Variants in SDHAF3 observed in about 807,000 individuals in gnomAD.
SDHAF3 encodes succinate dehydrogenase complex assembly factor 3.
A neutral mutation model predicts 11.5 loss-of-function variants in SDHAF3; 18 were observed. The observed-to-expected ratio is 1.56, with a 90% CI of 1.08 to 2.32. The LOEUF (loss-of-function observed/expected upper bound fraction) is 2.32. SDHAF3 is among the 30% of genes most tolerant of loss of function. The probability of loss-of-function intolerance (pLI) is 0.00; values close to 1 mark genes in which losing one functional copy is unlikely to be tolerated. For missense variants in SDHAF3, 200 were observed against 154.4 expected, an observed-to-expected ratio of 1.30 and a Z score of -1.57; for synonymous variants, 72 against 59.3, an observed-to-expected ratio of 1.21 and a Z score of -0.99.
chr7:97,180,290 A>G (rs1357952078), intron 1 of SDHAF3, among the ~76,000 whole-genome samples: 1 of 152,212 alleles, frequency 6.6e-6, no homozygotes, highest in Admixed American at 6.5e-5. Context: ...ACCGTGGAAT[A>G]CTGTGCTGCC....
At chr7:97,148,484 C>T (rs950666631) in intron 1 of SDHAF3, among the ~76,000 whole-genome samples, 1 of 152,146 alleles carries the variant, frequency 6.6e-6, no homozygotes. Context: ...CTGAAGCCAG[C>T]TATGATTGCC....
intron 1 of SDHAF3, among the ~76,000 whole-genome samples, chr7:97,151,338 T>A (rs1789216510): frequency 6.6e-6 from 1 of 151,962 alleles, no homozygotes; most frequent in Admixed American, 6.6e-5. Context: ...AATAGGGGCT[T>A]GGGGCTTCTA....
At chr7:97,142,147 G>T (rs370502963) in intron 1 of SDHAF3, among the ~76,000 whole-genome samples, 1 of 135,452 alleles carries the variant, frequency 7.4e-6, no homozygotes, top group South Asian at 2.6e-4. Flanking sequence ...TCTGCCTCCC[G>T]AGTTCAAGCA....
intron 1 of SDHAF3, among the ~76,000 whole-genome samples, chr7:97,161,349 A>G (rs916500183): frequency 1.2e-4 from 18 of 152,198 alleles, no homozygotes; most frequent in South Asian, 2.1e-4. Flanking sequence ...TATATAGTCT[A>G]TGGGACTCGA....
chr7:97,172,779 T>C (rs775381078), intron 1 of SDHAF3, among the ~76,000 whole-genome samples: 2 of 152,216 alleles, frequency 1.3e-5, no homozygotes, highest in African/African-American at 2.4e-5. Flanking sequence ...ATGATTTTGG[T>C]ATGTCTTACT....
intron 1 of SDHAF3, among the ~76,000 whole-genome samples, chr7:97,174,206 A>G (rs1789647344): frequency 6.6e-6 from 1 of 152,236 alleles, no homozygotes; most frequent in Non-Finnish European, 1.5e-5. Flanking sequence ...GGCATGAGCC[A>G]CTGTGAGCAT....
chr7:97,147,150 T>A (rs1789148455), intron 1 of SDHAF3, among the ~76,000 whole-genome samples: 1 of 152,230 alleles, frequency 6.6e-6, no homozygotes, highest in Non-Finnish European at 1.5e-5. Flanking sequence ...TTAAACGTTT[T>A]GCCAAATTCA....
chr7:97,124,909 G>A (rs1379711714), intron 1 of SDHAF3, among the ~76,000 whole-genome samples: 1 of 152,060 alleles, frequency 6.6e-6, no homozygotes, highest in East Asian at 1.9e-4. Flanking sequence ...GAGACGATGG[G>A]GTTTTCTAAA....
chr7:97,128,707 A>G (rs1018518398), intron 1 of SDHAF3, among the ~76,000 whole-genome samples: 1 of 152,214 alleles, frequency 6.6e-6, no homozygotes, highest in South Asian at 2.1e-4. Flanking sequence ...ATGGGAAAGA[A>G]TATGTGGATA....
chr7:97,125,421 T>C (rs937144612), intron 1 of SDHAF3, among the ~76,000 whole-genome samples: 7 of 152,192 alleles, frequency 4.6e-5, no homozygotes, highest in Non-Finnish European at 1.0e-4. Flanking sequence ...TTCTGGTACA[T>C]TGTCTCTTTG....
intron 1 of SDHAF3, among the ~76,000 whole-genome samples, chr7:97,170,595 G>T (rs923382815): frequency 6.6e-6 from 1 of 152,134 alleles, no homozygotes; most frequent in Non-Finnish European, 1.5e-5. Context: ...AAGAATATTT[G>T]TGAACTAGGT....
At chr7:97,162,097 T>A (rs1789421434) in intron 1 of SDHAF3, among the ~76,000 whole-genome samples, 2 of 152,234 alleles carry the variant, frequency 1.3e-5, no homozygotes, top group Admixed American at 6.5e-5. Flanking sequence ...CAGCATCTGT[T>A]GTTTCCTGAC....
chr7:97,129,011 T>C (rs994584893), intron 1 of SDHAF3, among the ~76,000 whole-genome samples: 5 of 152,164 alleles, frequency 3.3e-5, no homozygotes, highest in African/African-American at 4.8e-5. Flanking sequence ...AGTAGATACA[T>C]ATGGCTTAGA....
Position 97,163,951 on chromosome 7 carries a change from CTT to C in SDHAF3, c.175-17047_175-17046del, listed in dbSNP as rs57540189. Among the ~76,000 whole-genome samples, 263 of 137,428 alleles carry C rather than the reference CTT, an allele frequency of 1.9e-3. 1 individual carries two copies. Among genetic ancestry groups the C allele is most frequent in the African/African-American group, 6.1e-3 (231 of 37,804 alleles). The allele number at this position is 137,428 out of a possible 152,430, so 90.2% of individuals were successfully genotyped here. ...TATATGAAATTTTGGGTTGAAAATT[CTT>C]TTTTTTTTTTTTTGAGACACAGTCT... On this transcript the variant is annotated intron_variant, in intron 1 of 1. Transcript: ENST00000432641.
At chr7:97,134,735 C>T (rs1791722495) in intron 1 of SDHAF3, among the ~76,000 whole-genome samples, 1 of 152,194 alleles carries the variant, frequency 6.6e-6, no homozygotes. Flanking sequence ...GTGTGAGCCA[C>T]CTCACCCAGC....
intron 1 of SDHAF3, among the ~76,000 whole-genome samples, chr7:97,171,223 C>A (rs1789597947): frequency 6.6e-6 from 1 of 151,738 alleles, no homozygotes; most frequent in African/African-American, 2.4e-5. Flanking sequence ...TTTGTTGGTT[C>A]AGTGTTGCTA....
chr7:97,162,670 G>T (rs572367558), intron 1 of SDHAF3, among the ~76,000 whole-genome samples: 2 of 152,288 alleles, frequency 1.3e-5, no homozygotes, highest in African/African-American at 2.4e-5. Context: ...TCAGGAGCAA[G>T]TTGTTCAGTT....
At chr7:97,163,589 C>G (rs1789450071) in intron 1 of SDHAF3, among the ~76,000 whole-genome samples, 1 of 152,162 alleles carries the variant, frequency 6.6e-6, no homozygotes, top group South Asian at 2.1e-4. Flanking sequence ...CATTGATGAG[C>G]CTTGACTCTT....
chr7:97,166,545 C>T (rs1789508313), intron 1 of SDHAF3, among the ~76,000 whole-genome samples: 1 of 152,130 alleles, frequency 6.6e-6, no homozygotes, highest in Non-Finnish European at 1.5e-5. Context: ...TTGGAGAGAA[C>T]AGATTGTAAG....
Sources: gnomAD v4.1 joint callset for allele counts (sites outside exome capture counted in the v4.1 genomes callset) on GRCh38, gnomAD v4.1.1 for gene constraint, MANE v1.5 for transcripts, NCBI Gene and HGNC (gene_info 2026-07-23, HGNC 2026-07-21) for gene names.